The following EPHA6 variants were observed in gnomAD, a reference collection of about 807,000 sequenced individuals.
The protein encoded by EPHA6 is EPH receptor A6.
EPHA6 carries 50 observed loss-of-function variants against 112.0 expected under a neutral mutation model. The observed-to-expected ratio is 0.45, with a 90% CI of 0.36 to 0.56. The LOEUF (loss-of-function observed/expected upper bound fraction) is 0.56, where lower values mean the gene tolerates loss of function less well. Ranked by LOEUF, EPHA6 falls within the 20% of genes least tolerant of loss-of-function variation. EPHA6 has a pLI of 0.00. For synonymous variants in EPHA6, 529 were observed against 490.7 expected, an observed-to-expected ratio of 1.08 and a Z score of -1.03; for missense variants, 1,280 against 1,417.4, an observed-to-expected ratio of 0.90 and a Z score of 1.56.
chr3:97,035,907 A>G (rs542157907), intron 3 of EPHA6, among the ~76,000 whole-genome samples: 9 of 152,066 alleles, frequency 5.9e-5, no homozygotes, highest in Middle Eastern at 3.4e-3. Flanking sequence ...CAGTGTGATG[A>G]TATTTGGAGG....
chr3:96,989,454 T>G (rs1269533510), intron 3 of EPHA6, among the ~76,000 whole-genome samples: 1 of 152,220 alleles, frequency 6.6e-6, no homozygotes, highest in Non-Finnish European at 1.5e-5. Flanking sequence ...TTTATTCACT[T>G]ATAACAAGGA....
At chr3:97,671,465 T>C (rs1324084226) in intron 14 of EPHA6, among the ~76,000 whole-genome samples, 1 of 152,128 alleles carries the variant, frequency 6.6e-6, no homozygotes, top group East Asian at 1.9e-4. Context: ...TCAAGCCTGG[T>C]TGGGTCTTTT....
chr3:96,904,425 G>A (rs2038806868), intron 2 of EPHA6, among the ~76,000 whole-genome samples: 3 of 139,488 alleles, frequency 2.2e-5, no homozygotes, highest in African/African-American at 8.1e-5. Flanking sequence ...CATGGACACA[G>A]GAAGGGGAAC....
intron 3 of EPHA6, among the ~76,000 whole-genome samples, chr3:97,082,311 T>C (rs1401065328): frequency 1.3e-5 from 2 of 151,900 alleles, no homozygotes; most frequent in Non-Finnish European, 2.9e-5. Flanking sequence ...GAATCAGATA[T>C]GGGATTCACA....
intron 11 of EPHA6, among the ~76,000 whole-genome samples, chr3:97,588,602 A>G (rs1476898322): frequency 1.3e-5 from 2 of 152,310 alleles, no homozygotes; most frequent in East Asian, 3.9e-4. Flanking sequence ...GCATTAGGAA[A>G]TTTTATCAAT....
At chr3:96,855,301 C>T (rs1325221553) in intron 1 of EPHA6, among the ~76,000 whole-genome samples, 6 of 152,094 alleles carry the variant, frequency 3.9e-5, no homozygotes, top group East Asian at 1.9e-4. Flanking sequence ...TTTCCTTCTC[C>T]GTGTAACAGC....
intron 14 of EPHA6, among the ~76,000 whole-genome samples, chr3:97,712,038 T>C (rs566074005): frequency 3.8e-4 from 58 of 152,356 alleles, no homozygotes; most frequent in African/African-American, 1.3e-3. Flanking sequence ...TGAAGAGTTA[T>C]ATTTTCATTA....
intron 14 of EPHA6, among the ~76,000 whole-genome samples, chr3:97,666,162 T>G (rs2030083352): frequency 6.6e-6 from 1 of 152,188 alleles, no homozygotes; most frequent in African/African-American, 2.4e-5. Context: ...CCCCCTTGTT[T>G]CCGATTCTGT....
intron 2 of EPHA6, among the ~76,000 whole-genome samples, chr3:96,941,091 C>T (rs2040913605): frequency 6.6e-6 from 1 of 152,118 alleles, no homozygotes; most frequent in Non-Finnish European, 1.5e-5. Context: ...AGTTGCTCTT[C>T]TCGAGGAGTA....
chr3:96,851,866 A>G (rs1341541191), intron 1 of EPHA6, among the ~76,000 whole-genome samples: 1 of 152,184 alleles, frequency 6.6e-6, no homozygotes, highest in Non-Finnish European at 1.5e-5. Flanking sequence ...GAAAACCAAG[A>G]TCTTGCAGGG....
At chr3:97,017,032 A>G (rs562472284) in intron 3 of EPHA6, among the ~76,000 whole-genome samples, 2 of 152,320 alleles carry the variant, frequency 1.3e-5, no homozygotes, top group East Asian at 3.9e-4. Context: ...AAGAACATTT[A>G]TAGAGGGACA....
intron 11 of EPHA6, among the ~76,000 whole-genome samples, chr3:97,571,071 T>A (rs1159531453): frequency 3.3e-5 from 5 of 152,132 alleles, no homozygotes; most frequent in Non-Finnish European, 5.9e-5. Flanking sequence ...AAGCCTAAAT[T>A]CAGGAATGGA....
rs2047802962 is a variant in EPHA6, at chr3:97,113,896, T to A, written c.1115-112368T>A. Among the ~76,000 whole-genome samples, 3 of 152,134 alleles carry A rather than the reference T, an allele frequency of 2.0e-5. No homozygotes were observed. The South Asian group carries it at 6.2e-4, about 32-fold the overall frequency. ...AATATTTTATGCATATCTAGTGTTA[T>A]GAGAGATATAGTGAGGAATTTGATC... On this transcript the variant is annotated intron_variant, in intron 3 of 17. Transcript: ENST00000389672.
At chr3:97,331,534 T>G (rs1215356942) in intron 5 of EPHA6, among the ~76,000 whole-genome samples, 1 of 151,956 alleles carries the variant, frequency 6.6e-6, no homozygotes, top group African/African-American at 2.4e-5. Context: ...AAGAATCAAA[T>G]AGATGCAATA....
At chr3:97,228,665 A>G (rs577877495) in intron 4 of EPHA6, among the ~76,000 whole-genome samples, 1 of 152,120 alleles carries the variant, frequency 6.6e-6, no homozygotes, top group Non-Finnish European at 1.5e-5. Context: ...GCAATTGCAA[A>G]TTGTGCTCCT....
At chr3:97,737,159 C>T (rs1361892901) in intron 16 of EPHA6, among the ~76,000 whole-genome samples, 1 of 152,012 alleles carries the variant, frequency 6.6e-6, no homozygotes, top group East Asian at 1.9e-4. Flanking sequence ...TAAAGAAGTC[C>T]AGCACAGGAA....
chr3:97,204,791 C>T (rs1164807192), intron 3 of EPHA6, among the ~76,000 whole-genome samples: 1 of 152,074 alleles, frequency 6.6e-6, no homozygotes, highest in African/African-American at 2.4e-5. Context: ...ACATACAATA[C>T]AGATTTGTTT....
intron 2 of EPHA6, among the ~76,000 whole-genome samples, chr3:96,982,531 G>C (rs956694091): frequency 6.6e-6 from 1 of 152,202 alleles, no homozygotes; most frequent in Non-Finnish European, 1.5e-5. Flanking sequence ...TGTATATTCT[G>C]TTGATTTGGG....
chr3:96,871,181 T>C (rs1332073420), intron 2 of EPHA6, among the ~76,000 whole-genome samples: 1 of 152,082 alleles, frequency 6.6e-6, no homozygotes, highest in East Asian at 1.9e-4. Context: ...CATTAGGTTT[T>C]GTTAATTAAT....
Sources: gnomAD v4.1 joint callset for allele counts (sites outside exome capture counted in the v4.1 genomes callset) on GRCh38, gnomAD v4.1.1 for gene constraint, MANE v1.5 for transcripts, NCBI Gene and HGNC (gene_info 2026-07-23, HGNC 2026-07-21) for gene names.